The following LUC7L3 variants were observed in gnomAD, a reference collection of about 807,000 sequenced individuals.
The protein encoded by LUC7L3 is luc7-like protein 3.
In LUC7L3, 6 loss-of-function variants were observed where a neutral mutation model predicts 66.8. The ratio of observed to expected loss-of-function variants is 0.09; its 90% CI spans 0.05 to 0.18. The LOEUF is 0.18. LUC7L3 is among the 10% of genes least tolerant of loss of function. LUC7L3 has a pLI of 1.00. For synonymous variants in LUC7L3, 160 were observed against 174.7 expected (o/e 0.92, Z 0.66); for missense variants, 341 against 531.1 (o/e 0.64, Z 3.52).
In LUC7L3 at chr17:50,745,790, AAGAAAG is replaced by A; in HGVS notation, c.770_775del (p.Arg257_Glu258del). On this transcript the variant is annotated inframe_deletion, in exon 8 of 10. Transcript: ENST00000505658. ...CTAAAAAAGGAGAAGCAAGAAAGAG[AAGAAAG>A]AGAAAAAGAACGGGAGAGAGAAAGG... The A allele has an allele frequency of 6.2e-7, 1 of 1,600,904 alleles. No individual in the cohort carries two copies. The highest frequency in any genetic ancestry group is 1.1e-5 in the South Asian group (1 of 88,354).
chr17:50,740,258 G>T (rs1189135219), intron 2 of LUC7L3, 48 bp from the exon 3 acceptor site: 10 of 1,378,766 alleles, frequency 7.3e-6, no homozygotes, highest in South Asian at 1.3e-5. Context: ...GCAAGAAAAG[G>T]TTGCTAATAA....
rs564535929 is a variant in LUC7L3 at position 50,740,292 on chromosome 17, AT to A, written c.167-8del. 1.1e-4 allele frequency: 176 copies of A among 1,584,786 alleles called. 3 individuals carry two copies. In the East Asian group the frequency reaches 3.6e-3, roughly 32 times the overall value. ...AATCACAGATAATTTATACAATTAT[AT>A]TTTTTCCCCCAGGTCCGTGTGAAAA... On this transcript the variant is annotated splice_polypyrimidine_tract_variant and intron_variant, in intron 2 of 9. Coordinates refer to ENST00000505658, the MANE Select transcript of LUC7L3 (RefSeq NM_016424.5).
chr17:50,740,907 G>C (rs1970309279), intron 3 of LUC7L3, among the ~76,000 whole-genome samples, 195 bp from the exon 4 acceptor site: 1 of 152,188 alleles, frequency 6.6e-6, no homozygotes, highest in Non-Finnish European at 1.5e-5. Flanking sequence ...CATAGATCCA[G>C]TACAGTGGTA....
Position 50,754,672 on chromosome 17 carries a change from CCATT to C in LUC7L3, c.*4016_*4019del, listed in dbSNP as rs1197058691. The stretch of plus-strand genomic sequence containing the variant: ...TTTTTTTTTCCCCTTCAAACACAGT[CCATT>C]CATTTTTCAGTTTGGGTTGAAACAT... On this transcript the variant is annotated 3_prime_UTR_variant, in exon 10 of 10. Coordinates refer to ENST00000505658, the MANE Select transcript of LUC7L3 (RefSeq NM_016424.5). 3 of 152,090 alleles carry C rather than the reference CCATT, an allele frequency of 2.0e-5. No homozygotes were observed. Among genetic ancestry groups the C allele is most frequent in the Admixed American group, 1.3e-4 (2 of 15,254 alleles). 9.4% of individuals were successfully genotyped at this position (152,090 alleles called of 1,614,324 possible).
intron 1 of LUC7L3, among the ~76,000 whole-genome samples, chr17:50,726,607 C>CT (rs1428700376): frequency 3.9e-5 from 6 of 152,222 alleles, no homozygotes; most frequent in Admixed American, 1.3e-4. Context: ...GTACGATAGA[C>CT]TGAGATCTGC....
intron 1 of LUC7L3, among the ~76,000 whole-genome samples, chr17:50,727,013 C>A (rs942010248): frequency 6.6e-6 from 1 of 151,882 alleles, no homozygotes; most frequent in Non-Finnish European, 1.5e-5. Flanking sequence ...TTCTTGAACC[C>A]GGGAGGCGGA....
rs984602115 is a variant in LUC7L3, at chr17:50,734,976, A to G, written c.100-1984A>G. On this transcript the variant is annotated intron_variant, in intron 1 of 9. Transcript: ENST00000505658. ...ACGTCTGAGCGCGGTGAGGCCTGTA[A>G]TCCTAGCACTTTCGGAGGCCGAGGC... Among the ~76,000 whole-genome samples, 20 of 152,200 alleles carry G rather than the reference A, an allele frequency of 1.3e-4. 1 individual carries two copies. The highest frequency in any genetic ancestry group is 1.5e-5 in the Non-Finnish European group (1 of 68,040).
Position 50,754,703 on chromosome 17 carries a change from C to G in LUC7L3, c.*4042C>G, listed in dbSNP as rs1040559482. ...ATTTTTCAGTTTGGGTTGAAACATC[C>G]TTTTCTTGATCTTGAGCTTATAATA... On this transcript the variant is annotated 3_prime_UTR_variant, in exon 10 of 10. Coordinates refer to ENST00000505658, the MANE Select transcript of LUC7L3 (RefSeq NM_016424.5). The G allele has an allele frequency of 6.6e-6, 1 of 152,080 alleles. No homozygotes were observed. The highest frequency in any genetic ancestry group is 1.5e-5 in the Non-Finnish European group (1 of 68,004). The allele number at this position is 152,080 out of a possible 1,614,324, so 9.4% of individuals were successfully genotyped here.
At chr17:50,726,160 T>TTC (rs386386245) in intron 1 of LUC7L3, among the ~76,000 whole-genome samples, 1 of 29,760 alleles carries the variant, frequency 3.4e-5, no homozygotes, top group Non-Finnish European at 7.3e-5. Context: ...CCGTATAAAC[T>TTC]TGTTGTTTTG....
intron 9 of LUC7L3, among the ~76,000 whole-genome samples, chr17:50,749,644 C>G (rs1413400003): frequency 6.6e-6 from 1 of 152,156 alleles, no homozygotes; most frequent in African/African-American, 2.4e-5. Flanking sequence ...ACTACTCTGC[C>G]AGACCAGCTA....
intron 1 of LUC7L3, among the ~76,000 whole-genome samples, chr17:50,735,298 A>G (rs1411173152): frequency 6.6e-6 from 1 of 151,918 alleles, no homozygotes; most frequent in Non-Finnish European, 1.5e-5. Context: ...ATATTTAGAT[A>G]TGTTTTATGA....
At chr17:50,738,575 CA>C (rs1970144830) in intron 2 of LUC7L3, among the ~76,000 whole-genome samples, 1 of 152,162 alleles carries the variant, frequency 6.6e-6, no homozygotes, top group Admixed American at 6.5e-5. Flanking sequence ...AAGTGAAAAA[CA>C]TTTTCTGAAA....
intron 9 of LUC7L3, among the ~76,000 whole-genome samples, chr17:50,749,772 C>G (rs955240729): frequency 2.0e-5 from 3 of 152,206 alleles, no homozygotes; most frequent in Non-Finnish European, 4.4e-5. Flanking sequence ...TATGCTTGCT[C>G]TGGTGTACTA....
chr17:50,721,710 C>T (rs1968779847), intron 1 of LUC7L3, among the ~76,000 whole-genome samples: 1 of 152,290 alleles, frequency 6.6e-6, no homozygotes, highest in East Asian at 1.9e-4. Context: ...GTTTCCGGGT[C>T]ATCTGCATAT....
intron 1 of LUC7L3, among the ~76,000 whole-genome samples, chr17:50,720,252 TTTTA>T (rs1474832744): frequency 5.3e-5 from 8 of 152,248 alleles, no homozygotes; most frequent in African/African-American, 1.9e-4. Context: ...CGTGGCGGTA[TTTTA>T]TTTAAGTAAT....
chr17:50,755,583 C>G lies in LUC7L3; in HGVS notation c.*4922C>G. 1 of 152,084 alleles carries G rather than the reference C, an allele frequency of 6.6e-6. No individual in the cohort carries two copies. Among genetic ancestry groups the G allele is most frequent in the East Asian group, 1.9e-4 (1 of 5,198 alleles). The allele number at this position is 152,084 out of a possible 1,614,324, so 9.4% of individuals were successfully genotyped here. A position where few individuals can be genotyped will look rare whatever the true frequency, so the allele number is the denominator to read the frequency against. ...GTTTTGTAGCTGATCTATTTCTTCC[C>G]CTCAGCCATCCCAAATAGGTCATTT... On this transcript the variant is annotated 3_prime_UTR_variant, in exon 10 of 10. Transcript: ENST00000505658.
intron 7 of LUC7L3, 44 bp downstream of exon 7, chr17:50,744,857 C>T (rs1473551349): frequency 1.3e-6 from 2 of 1,551,320 alleles, no homozygotes; most frequent in South Asian, 2.3e-5. Flanking sequence ...TGCTCTGTCA[C>T]CTAGAGTGCA....
chr17:50,732,144 C>A lies in LUC7L3; in HGVS notation c.100-4816C>A, dbSNP rs998029999. Among the ~76,000 whole-genome samples, 26 of 152,102 alleles carry A rather than the reference C, an allele frequency of 1.7e-4. 1 individual carries two copies. Among genetic ancestry groups the A allele is most frequent in the Non-Finnish European group, 5.9e-5 (4 of 68,014 alleles). ...GCAGGATTTATGTTAAGTACAAAAT[C>A]ATCGAAATTGTTTTGACCTAAGGGC... On this transcript the variant is annotated intron_variant, in intron 1 of 9. Coordinates refer to ENST00000505658, the MANE Select transcript of LUC7L3 (RefSeq NM_016424.5).
chr17:50,733,244 C>A (rs1969740364), intron 1 of LUC7L3, among the ~76,000 whole-genome samples: 1 of 140,766 alleles, frequency 7.1e-6, no homozygotes, highest in Admixed American at 7.0e-5. Context: ...AATAGTAAAA[C>A]TTTGTTTTTT....
Sources: gnomAD v4.1 joint callset for allele counts (sites outside exome capture counted in the v4.1 genomes callset) on GRCh38, gnomAD v4.1.1 for gene constraint, MANE v1.5 for transcripts, NCBI Gene and HGNC (gene_info 2026-07-23, HGNC 2026-07-21) for gene names.